Variants in FOCAD observed in about 807,000 individuals in gnomAD.
FOCAD encodes the protein focadhesin, also known as KIAA1797.
A neutral mutation model predicts 225.6 loss-of-function variants in FOCAD; 198 were observed. The ratio of observed to expected loss-of-function variants is 0.88; its 90% CI spans 0.78 to 0.99. FOCAD has a LOEUF of 0.99. Among genes scored for constraint, FOCAD ranks in the 50% least tolerant of loss-of-function variants. The pLI, the probability that FOCAD is intolerant of heterozygous loss-of-function variation, is 0.00. For missense variants in FOCAD, 2,713 were observed against 2,123.6 expected, an observed-to-expected ratio of 1.28 and a Z score of -5.46; for synonymous variants, 897 against 755.0, an observed-to-expected ratio of 1.19 and a Z score of -3.08.
At chr9:20,746,934 G>A (rs1828085362) in intron 5 of FOCAD, among the ~76,000 whole-genome samples, 1 of 152,124 alleles carries the variant, frequency 6.6e-6, no homozygotes, top group African/African-American at 2.4e-5. Context: ...ATGACGCTGT[G>A]TCCTTCTGAG....
At chr9:20,771,475 T>C (rs947772799) in intron 8 of FOCAD, among the ~76,000 whole-genome samples, 2 of 152,136 alleles carry the variant, frequency 1.3e-5, no homozygotes, top group African/African-American at 4.8e-5. Context: ...AATGTATTTA[T>C]TGGTTGGGTG....
chr9:20,813,519 T>C (rs936676662), intron 11 of FOCAD, among the ~76,000 whole-genome samples: 1 of 152,226 alleles, frequency 6.6e-6, no homozygotes, highest in African/African-American at 2.4e-5. Context: ...TCAATACTTC[T>C]GATTTTTTAA....
Position 20,837,324 on chromosome 9 carries a change from G to A in FOCAD, c.1920+14209G>A, listed in dbSNP as rs533873261. Among the ~76,000 whole-genome samples the A allele has an allele frequency of 2.3e-4, 35 of 152,102 alleles. 1 individual carries two copies. In the South Asian group the frequency reaches 6.2e-3, roughly 27 times the overall value. On this transcript the variant is annotated intron_variant, in intron 15 of 43. Transcript: ENST00000338382. ...AGTTTCCGGCTCTCAGTCACAAACC[G>A]AGGGCATTCTTTAAAAGATCAAACA...
rs58468376 is a variant in FOCAD, at chr9:20,844,349, C to CTTTTTTTTT, written c.1921-18211_1921-18203dup. On this transcript the variant is annotated intron_variant, in intron 15 of 43. Coordinates refer to ENST00000338382, the MANE Select transcript of FOCAD (RefSeq NM_001375567.1). ...ATGGTTCTAACCCTCAGGAAATTTC[C>CTTTTTTTTT]TTTTTTTTTTTTTTTTTTTTTTTTT... is the stretch of plus-strand genomic sequence containing the variant. Among the ~76,000 whole-genome samples, 94 of 77,256 alleles carry CTTTTTTTTT rather than the reference C, an allele frequency of 1.2e-3. 11 individuals are homozygous for CTTTTTTTTT. Among genetic ancestry groups the CTTTTTTTTT allele is most frequent in the Non-Finnish European group, 1.3e-3 (60 of 44,778 alleles). 50.7% of individuals were successfully genotyped at this position (77,256 alleles called of 152,430 possible).
At position 20,946,836 on chromosome 9, in the gene FOCAD, C is replaced by G; in HGVS notation, c.3675+16C>G. ...TAGCCAGCAGGTTGGAACGTGTGCCCTGATTATTTCTCTCTGTGGGTCTCA... is the reference window on the plus strand; with the variant it reads ...TAGCCAGCAGGTTGGAACGTGTGCCGTGATTATTTCTCTCTGTGGGTCTCA... On this transcript the variant is annotated intron_variant, in intron 30 of 43. Transcript: ENST00000338382. 1 of 1,612,184 alleles carries G rather than the reference C, an allele frequency of 6.2e-7. No individual in the cohort carries two copies. Among genetic ancestry groups the G allele is most frequent in the Non-Finnish European group, 8.5e-7 (1 of 1,178,956 alleles).
chr9:20,821,060 A>G lies in FOCAD; in HGVS notation c.1782A>G (p.Ile594Met). The change falls in exon 14 of 44, where the codon ATA (isoleucine) becomes ATG (methionine). Residue 594 changes from isoleucine (I) to methionine (M), a missense_variant. By Grantham distance (10) the Ile-to-Met change is conservative. Transcript: ENST00000338382. ...LIAKAASIRD[I>M]CKQRPYQHGA... ...CAAAAGCAGCATCAATCAGAGATAT[A>G]TGTAAGCAGAGGTATGATGTCATTA... 6.2e-7 allele frequency: 1 copy of G among 1,612,392 alleles called. No individual in the cohort carries two copies. The highest frequency in any genetic ancestry group is 8.5e-7 in the Non-Finnish European group (1 of 1,178,890).
rs1459425103 is a variant in FOCAD at position 20,987,505 on chromosome 9, C to G, written c.4907-827C>G. On this transcript the variant is annotated intron_variant, in intron 40 of 43. Coordinates refer to ENST00000338382, the MANE Select transcript of FOCAD (RefSeq NM_001375567.1). ...CCTGGGTGACAGAGCGAGACTGCAT[C>G]TTGAAAAAAAAAAAAAAGAAATTTT... Among the ~76,000 whole-genome samples the G allele has an allele frequency of 5.4e-5, 8 of 147,584 alleles. No homozygotes were observed. In the South Asian group the frequency reaches 1.5e-3, roughly 28 times the overall value.
chr9:20,816,325 A>C (rs1823725432), intron 11 of FOCAD, among the ~76,000 whole-genome samples: 1 of 152,156 alleles, frequency 6.6e-6, no homozygotes, highest in Non-Finnish European at 1.5e-5. Flanking sequence ...GAAGGGGATA[A>C]TGCGTTGAGA....
At chr9:20,926,458 T>C (rs752936764) in intron 26 of FOCAD, 41 bp downstream of exon 26, 2 of 1,264,862 alleles carry the variant, frequency 1.6e-6, no homozygotes, top group East Asian at 4.6e-5. Context: ...AACTCAAGAA[T>C]TGACTCTTAT....
intron 29 of FOCAD, 91 bp from the exon 30 acceptor site, chr9:20,946,610 G>T (rs895238118): frequency 1.4e-5 from 20 of 1,391,104 alleles, no homozygotes; most frequent in African/African-American, 7.3e-5. Flanking sequence ...CTTACTCTGG[G>T]GGGGAGTTTG....
At chr9:20,944,560 T>G (rs997563616) in intron 28 of FOCAD, 67 bp from the exon 29 acceptor site, 60 of 1,546,552 alleles carry the variant, frequency 3.9e-5, no homozygotes, top group Non-Finnish European at 4.8e-5. Flanking sequence ...TAAACACCCG[T>G]GGTAAGTGAA....
chr9:20,979,646 G>GC (rs1218966644), intron 37 of FOCAD, among the ~76,000 whole-genome samples: 2 of 151,942 alleles, frequency 1.3e-5, no homozygotes, highest in East Asian at 3.9e-4. Flanking sequence ...GCCTGTTTTT[G>GC]TTTTTTTAAA....
rs1029344745 is a variant in FOCAD at position 20,765,194 on chromosome 9, G to T, written c.699+121G>T. Reference sequence around the variant, plus strand: ...AAACTCAGACATGATCCTCGCTCTAGAAATGCTTACAATCTTTTGGGGAAG... The same window carrying T: ...AAACTCAGACATGATCCTCGCTCTATAAATGCTTACAATCTTTTGGGGAAG... On this transcript the variant is annotated intron_variant, in intron 7 of 43. Coordinates refer to ENST00000338382, the MANE Select transcript of FOCAD (RefSeq NM_001375567.1). The T allele has an allele frequency of 5.1e-6, 4 of 778,218 alleles. No homozygotes were observed. In the South Asian group the frequency reaches 6.5e-5, roughly 13 times the overall value. The allele number at this position is 778,218 out of a possible 1,614,324, so 48.2% of individuals were successfully genotyped here.
intron 21 of FOCAD, among the ~76,000 whole-genome samples, chr9:20,889,150 C>T (rs1054112400): frequency 2.0e-4 from 31 of 152,194 alleles, no homozygotes; most frequent in African/African-American, 7.5e-4. Flanking sequence ...TTGTCCTTAG[C>T]TTTCAGCAGC....
At chr9:20,868,346 G>C (rs1412325148) in intron 18 of FOCAD, among the ~76,000 whole-genome samples, 1 of 151,952 alleles carries the variant, frequency 6.6e-6, no homozygotes, top group Non-Finnish European at 1.5e-5. Context: ...AAATATTCCA[G>C]CTTGAGTAAT....
At chr9:20,955,292 G>T (rs2132409444) in intron 35 of FOCAD, among the ~76,000 whole-genome samples, 1 of 152,134 alleles carries the variant, frequency 6.6e-6, no homozygotes, top group East Asian at 1.9e-4. Context: ...TGGGCATGGT[G>T]GTCTCAAATT....
At chr9:20,858,138 AT>A (rs1828389813) in intron 15 of FOCAD, among the ~76,000 whole-genome samples, 1 of 151,828 alleles carries the variant, frequency 6.6e-6, no homozygotes, top group Non-Finnish European at 1.5e-5. Flanking sequence ...CTCCTCTTCT[AT>A]TTTTTGGAAT....
chr9:20,832,047 G>C (rs190076469), intron 15 of FOCAD, among the ~76,000 whole-genome samples: 1 of 152,028 alleles, frequency 6.6e-6, no homozygotes, highest in Admixed American at 6.6e-5. Flanking sequence ...TGTCTTTTTA[G>C]GGTTGAGTAA....
intron 11 of FOCAD, among the ~76,000 whole-genome samples, chr9:20,808,414 A>G (rs1822695650): frequency 6.6e-6 from 1 of 152,204 alleles, no homozygotes; most frequent in Non-Finnish European, 1.5e-5. Context: ...TGTGAGAATG[A>G]ATAACTGTGA....
Sources: gnomAD v4.1 joint callset for allele counts (sites outside exome capture counted in the v4.1 genomes callset) on GRCh38, gnomAD v4.1.1 for gene constraint, MANE v1.5 for transcripts, NCBI Gene and HGNC (gene_info 2026-07-23, HGNC 2026-07-21) for gene names.